The following GRID2 variants were observed in gnomAD, a reference collection of about 807,000 sequenced individuals.
The protein encoded by GRID2 is glutamate ionotropic receptor delta type subunit 2.
A neutral mutation model predicts 114.8 loss-of-function variants in GRID2; 33 were observed. The ratio of observed to expected loss-of-function variants is 0.29; its 90% confidence interval spans 0.22 to 0.38. The LOEUF (loss-of-function observed/expected upper bound fraction) is 0.38, where lower values mean the gene tolerates loss of function less well. Ranked by LOEUF, GRID2 falls within the 10% of genes least tolerant of loss-of-function variation. GRID2 has a pLI of 1.00. For missense variants in GRID2, 1,184 were observed against 1,257.7 expected (o/e 0.94, Z 0.89); for synonymous variants, 505 against 449.9 (o/e 1.12, Z -1.55).
intron 7 of GRID2, among the ~76,000 whole-genome samples, chr4:93,230,192 T>C (rs1057152776): frequency 4.0e-5 from 6 of 151,864 alleles, no homozygotes; most frequent in Non-Finnish European, 8.8e-5. Flanking sequence ...AAATGAGATA[T>C]GTTCCATTAG....
chr4:92,931,842 A>G lies in GRID2; in HGVS notation c.245-153153A>G, dbSNP rs1247074970. 2.0e-5 allele frequency among the ~76,000 whole-genome samples: 3 copies of G among 151,244 alleles called. No homozygotes were observed. The Admixed American group carries it at 2.0e-4, about 10-fold the overall frequency. On this transcript the variant is annotated intron_variant, in intron 2 of 15. Transcript: ENST00000282020. ...CACACGTGCAGTCAATTGTTTTTTG[A>G]CAAAAACACTCAGGCAACTCAATGG... is the stretch of plus-strand genomic sequence containing the variant.
At chr4:93,039,650 GTAGCC>G (rs1205678512) in intron 2 of GRID2, among the ~76,000 whole-genome samples, 1 of 152,114 alleles carries the variant, frequency 6.6e-6, no homozygotes, top group Non-Finnish European at 1.5e-5. Context: ...CTATAAGACT[GTAGCC>G]TATTGGATGG....
At position 93,626,416 on chromosome 4, in the gene GRID2, C is replaced by T; in HGVS notation, c.2341C>T (p.Arg781Ter). Reference sequence around the variant, plus strand: ...TGCATTACAACATGGCAGTCCTTACCGAGATGTTTTTTCACAAAGGTAAGA... The same window carrying T: ...TGCATTACAACATGGCAGTCCTTACTGAGATGTTTTTTCACAAAGGTAAGA... ...GIALQHGSPY[R>*]DVFSQRILEL... is the part of the protein sequence containing the mutation. Residue 781 changes from arginine (R) to a stop codon, truncating the protein, a stop_gained, in exon 14 of 16, where the codon CGA (arginine) becomes TGA (stop). Coordinates refer to ENST00000282020, the MANE Select transcript of GRID2 (RefSeq NM_001510.4). LOFTEE classifies it high-confidence loss of function. 2 of 1,604,244 alleles carry T rather than the reference C, an allele frequency of 1.2e-6. No homozygotes were observed. The highest frequency in any genetic ancestry group is 2.2e-5 in the East Asian group (1 of 44,530).
chr4:93,667,236 C>T (rs1406283589), intron 14 of GRID2, among the ~76,000 whole-genome samples: 1 of 151,858 alleles, frequency 6.6e-6, no homozygotes, highest in African/African-American at 2.4e-5. Context: ...GACTGGGAAA[C>T]AAAAGGGAAG....
chr4:93,050,518 GT>G (rs1560828102), intron 2 of GRID2, among the ~76,000 whole-genome samples: 1 of 69,748 alleles, frequency 1.4e-5, no homozygotes, highest in East Asian at 4.4e-4. Flanking sequence ...TGGTGTGTGT[GT>G]GTGTGTGTGT....
chr4:93,356,037 T>C (rs910419323), intron 8 of GRID2, among the ~76,000 whole-genome samples: 2 of 152,092 alleles, frequency 1.3e-5, no homozygotes, highest in Non-Finnish European at 2.9e-5. Flanking sequence ...TTTACAAACC[T>C]GACCCAGAAA....
At chr4:93,586,395 G>C (rs941799017) in intron 13 of GRID2, among the ~76,000 whole-genome samples, 3 of 151,984 alleles carry the variant, frequency 2.0e-5, no homozygotes, top group Non-Finnish European at 2.9e-5. Context: ...TCTATCCCTA[G>C]ATTCTTGACT....
At chr4:93,058,443 T>C (rs1357169073) in intron 2 of GRID2, among the ~76,000 whole-genome samples, 1 of 152,024 alleles carries the variant, frequency 6.6e-6, no homozygotes, top group East Asian at 1.9e-4. Flanking sequence ...ATTGGGAATG[T>C]CTATATTCAT....
At chr4:93,015,505 A>T (rs530109650) in intron 2 of GRID2, among the ~76,000 whole-genome samples, 10 of 152,284 alleles carry the variant, frequency 6.6e-5, no homozygotes, top group African/African-American at 2.4e-4. Context: ...ATAGGGTTGT[A>T]GTGATCATCA....
intron 1 of GRID2, among the ~76,000 whole-genome samples, chr4:92,566,419 C>CATATCCAATGAACACAGTTTCGG (rs1727339117): frequency 6.6e-6 from 1 of 151,888 alleles, no homozygotes; most frequent in Non-Finnish European, 1.5e-5. Flanking sequence ...TTGTTGACAG[C>CATATCCAATGAACACAGTTTCGG]ATATCCAATG....
chr4:92,709,589 A>ATATATATATATATATATATATATAT (rs1553919234), intron 2 of GRID2, among the ~76,000 whole-genome samples: 1 of 114,660 alleles, frequency 8.7e-6, no homozygotes, highest in African/African-American at 3.4e-5. Flanking sequence ...AAAAAAAAAA[A>ATATATATATATATATATATATATAT]ATATATATAT....
At chr4:93,256,713 G>C (rs1284912000) in intron 8 of GRID2, among the ~76,000 whole-genome samples, 1 of 151,802 alleles carries the variant, frequency 6.6e-6, no homozygotes, top group Non-Finnish European at 1.5e-5. Flanking sequence ...CTTGAGAAAA[G>C]AAAGATAAAT....
intron 2 of GRID2, among the ~76,000 whole-genome samples, chr4:92,848,388 C>T (rs549008710): frequency 4.7e-4 from 72 of 151,944 alleles, no homozygotes; most frequent in African/African-American, 1.7e-3. Flanking sequence ...CTCTTCACTC[C>T]TCTTCTCTAT....
intron 14 of GRID2, among the ~76,000 whole-genome samples, chr4:93,700,348 A>C (rs187930494): frequency 1.4e-3 from 207 of 152,262 alleles, no homozygotes; most frequent in African/African-American, 4.8e-3. Context: ...TTTCATTAAT[A>C]ATCTCTTGGG....
chr4:93,632,708 T>G (rs1291956127), intron 14 of GRID2, among the ~76,000 whole-genome samples: 1 of 152,206 alleles, frequency 6.6e-6, no homozygotes, highest in African/African-American at 2.4e-5. Context: ...GGGCTCTTTT[T>G]TGGTTCCATA....
rs1393395278 is a variant in GRID2 at position 92,794,649 on chromosome 4, C to A, written c.244+204363C>A. On this transcript the variant is annotated intron_variant, in intron 2 of 15. Transcript: ENST00000282020. ...AAACAGACGTTTGTCCTAGAAGTAA[C>A]CTGGTGAGTGAAAAAAGAAAAGTAA... Among the ~76,000 whole-genome samples the A allele has an allele frequency of 3.3e-5, 5 of 151,186 alleles. No homozygotes were observed. The East Asian group carries it at 5.9e-4, about 18-fold the overall frequency.
intron 8 of GRID2, among the ~76,000 whole-genome samples, chr4:93,349,700 A>G (rs530347104): frequency 2.0e-5 from 3 of 152,228 alleles, no homozygotes; most frequent in East Asian, 1.9e-4. Flanking sequence ...GTAAAGTCAC[A>G]TATTAGAGTG....
intron 14 of GRID2, among the ~76,000 whole-genome samples, chr4:93,721,679 A>G (rs1729385441): frequency 1.3e-5 from 2 of 152,168 alleles, no homozygotes; most frequent in African/African-American, 2.4e-5. Context: ...GTCAAGTCAT[A>G]AAAATGCAAT....
intron 13 of GRID2, among the ~76,000 whole-genome samples, chr4:93,592,623 T>C (rs1359388823): frequency 6.6e-6 from 1 of 152,160 alleles, no homozygotes; most frequent in African/African-American, 2.4e-5. Context: ...GTTGACTTTC[T>C]GTCTCGTTGA....
Sources: allele counts gnomAD v4.1 joint callset (sites outside exome capture counted in the v4.1 genomes callset), GRCh38; gene constraint gnomAD v4.1.1; transcripts MANE v1.5; gene names NCBI Gene and HGNC (gene_info 2026-07-23, HGNC 2026-07-21).